ST18: variants seen among roughly 807,000 people sequenced by gnomAD.
The protein encoded by ST18 is ST18 C2H2C-type zinc finger transcription factor, also known as suppression of tumorigenicity 18 protein.
A neutral mutation model predicts 110.0 loss-of-function variants in ST18; 50 were observed. The ratio of observed to expected loss-of-function variants is 0.45; its 90% CI spans 0.36 to 0.58. The LOEUF (loss-of-function observed/expected upper bound fraction) is 0.58, where lower values mean the gene tolerates loss of function less well. Among genes scored for constraint, ST18 ranks in the 20% least tolerant of loss-of-function variants. ST18 has a pLI of 0.00. For missense variants in ST18, 1,306 were observed against 1,280.1 expected (o/e 1.02, Z -0.31); for synonymous variants, 461 against 452.4 (o/e 1.02, Z -0.24).
intron 8 of ST18, among the ~76,000 whole-genome samples, chr8:52,202,330 C>G (rs1210538076): frequency 6.6e-6 from 1 of 151,986 alleles, no homozygotes; most frequent in Non-Finnish European, 1.5e-5. Context: ...ACATCATGTA[C>G]GAGGCCTACA....
At position 52,166,946 on chromosome 8, in the gene ST18, G is replaced by T. The variant is rs2133483002; in HGVS notation, c.1110C>A (p.Ile370=). Residue 370 remains isoleucine, a synonymous_variant, in exon 11 of 26, where the codon ATC becomes ATA. Transcript: ENST00000689386. ...CGTGTCCCGTGCCATCACATCCAGG[G>T]ATCGGGCACTTGGTCTCCCTCTTTT... is the stretch of plus-strand genomic sequence containing the variant. The part of the protein sequence containing the change: ...RPEKRETKCP[I]PGCDGTGHVT... 1.2e-6 allele frequency: 2 copies of T among 1,612,342 alleles called. No individual in the cohort carries two copies. The highest frequency in any genetic ancestry group is 4.5e-5 in the East Asian group (2 of 44,824).
chr8:52,159,973 T>A (rs1454334754), intron 14 of ST18, among the ~76,000 whole-genome samples: 2 of 152,114 alleles, frequency 1.3e-5, no homozygotes, highest in African/African-American at 4.8e-5. Flanking sequence ...TAAATTTTTT[T>A]ATTTTAAATA....
At chr8:52,367,948 T>C (rs760962606) in intron 2 of ST18, among the ~76,000 whole-genome samples, 2 of 152,236 alleles carry the variant, frequency 1.3e-5, no homozygotes, top group Non-Finnish European at 2.9e-5. Flanking sequence ...GTGAAGCTTA[T>C]GGACAAGGTA....
chr8:52,229,517 A>G (rs2090664122), intron 3 of ST18, among the ~76,000 whole-genome samples: 1 of 152,156 alleles, frequency 6.6e-6, no homozygotes, highest in African/African-American at 2.4e-5. Context: ...CTCCATTTTC[A>G]ACACCAGCAA....
Position 52,191,111 on chromosome 8 carries a change from C to A in ST18, c.87-10799G>T, listed in dbSNP as rs2074322170. Among the ~76,000 whole-genome samples the A allele has an allele frequency of 1.3e-5, 2 of 152,214 alleles. 1 individual carries two copies. The highest frequency in any genetic ancestry group is 4.1e-4 in the South Asian group (2 of 4,826). The stretch of plus-strand genomic sequence containing the variant: ...GGCCAGTTTTGGCTGCATAGCAAGT[C>A]CAGGCTGCAGTGTGGGAAGCCCTGT... On this transcript the variant is annotated intron_variant, in intron 8 of 25. Transcript: ENST00000689386.
intron 8 of ST18, among the ~76,000 whole-genome samples, chr8:52,205,783 G>T (rs1258314559): frequency 6.6e-6 from 1 of 152,046 alleles, no homozygotes; most frequent in African/African-American, 2.4e-5. Context: ...GGCCAAGCTG[G>T]TCTCAAACTC....
chr8:52,386,205 A>T (rs1026759070), intron 2 of ST18, among the ~76,000 whole-genome samples: 4 of 152,226 alleles, frequency 2.6e-5, no homozygotes, highest in Non-Finnish European at 4.4e-5. Flanking sequence ...TTTATAAAGC[A>T]TGTTTAATGC....
chr8:52,131,602 A>AGTTT (rs1299571871), intron 22 of ST18, among the ~76,000 whole-genome samples: 1 of 152,220 alleles, frequency 6.6e-6, no homozygotes, highest in East Asian at 1.9e-4. Flanking sequence ...GTAAAGTAAA[A>AGTTT]GTTTGCAATT....
At chr8:52,365,696 TG>T (rs35511476) in intron 2 of ST18, among the ~76,000 whole-genome samples, 4 of 148,892 alleles carry the variant, frequency 2.7e-5, no homozygotes, top group East Asian at 2.0e-4. Context: ...ATTTTGGGTT[TG>T]GGGGGTGGGG....
intron 25 of ST18, among the ~76,000 whole-genome samples, 173 bp downstream of exon 25, chr8:52,116,102 T>A (rs1027884552): frequency 2.6e-5 from 4 of 152,192 alleles, no homozygotes; most frequent in Admixed American, 6.5e-5. Context: ...TAAATGTATC[T>A]ACCATGTTCC....
At chr8:52,189,870 T>C (rs1323969181) in intron 8 of ST18, among the ~76,000 whole-genome samples, 4 of 152,318 alleles carry the variant, frequency 2.6e-5, no homozygotes, top group South Asian at 2.1e-4. Flanking sequence ...GCATGTATAA[T>C]TGGTGCAGAT....
At chr8:52,398,836 T>C (rs537265669) in intron 2 of ST18, among the ~76,000 whole-genome samples, 2 of 152,236 alleles carry the variant, frequency 1.3e-5, no homozygotes, top group East Asian at 3.9e-4. Flanking sequence ...TGAATTGAGT[T>C]TGCTAATATT....
chr8:52,198,015 GT>G (rs1198058839), intron 8 of ST18, among the ~76,000 whole-genome samples: 2 of 142,100 alleles, frequency 1.4e-5, no homozygotes, highest in Non-Finnish European at 1.6e-5. Flanking sequence ...TGTTTTATTT[GT>G]TTGTTTGTTT....
At chr8:52,130,034 A>G (rs1257070759) in intron 22 of ST18, among the ~76,000 whole-genome samples, 3 of 151,244 alleles carry the variant, frequency 2.0e-5, no homozygotes, top group Non-Finnish European at 4.4e-5. Flanking sequence ...CGACAGAGTG[A>G]GACTCTGTTT....
intron 9 of ST18, among the ~76,000 whole-genome samples, chr8:52,177,076 G>A (rs73587547): frequency 0.055 from 8,382 of 152,180 alleles, 608 homozygotes; most frequent in African/African-American, 0.16. Context: ...TTGTGGTTAC[G>A]CTGCTGGGGA....
intron 2 of ST18, among the ~76,000 whole-genome samples, chr8:52,276,879 G>C (rs2095278099): frequency 1.3e-5 from 2 of 150,898 alleles, no homozygotes; most frequent in South Asian, 2.1e-4. Flanking sequence ...CGATTCTCCT[G>C]CCTCACCATC....
chr8:52,200,631 A>C (rs2077648337), intron 8 of ST18, among the ~76,000 whole-genome samples: 1 of 152,198 alleles, frequency 6.6e-6, no homozygotes, highest in South Asian at 2.1e-4. Context: ...GAGGCAGGAA[A>C]GCCTGTAAGA....
intron 2 of ST18, among the ~76,000 whole-genome samples, chr8:52,253,658 A>G (rs1589339407): frequency 6.6e-6 from 1 of 152,102 alleles, no homozygotes; most frequent in Admixed American, 6.6e-5. Flanking sequence ...ATTCATATAC[A>G]ATTGTGTTAA....
At chr8:52,296,130 A>C (rs1017732644) in intron 2 of ST18, among the ~76,000 whole-genome samples, 1 of 152,238 alleles carries the variant, frequency 6.6e-6, no homozygotes, top group African/African-American at 2.4e-5. Flanking sequence ...ATATAAAAAA[A>C]GAAATAGTGC....
Sources: gnomAD v4.1 joint callset for allele counts (sites outside exome capture counted in the v4.1 genomes callset) on GRCh38, gnomAD v4.1.1 for gene constraint, MANE v1.5 for transcripts, NCBI Gene and HGNC (gene_info 2026-07-23, HGNC 2026-07-21) for gene names.